Variants in SP140 observed in about 807,000 individuals in gnomAD.
SP140 encodes the protein SP140 nuclear body protein.
SP140 carries 81 observed loss-of-function variants against 125.0 expected under a neutral mutation model. The observed-to-expected ratio is 0.65, with a 90% CI of 0.54 to 0.78. The LOEUF (loss-of-function observed/expected upper bound fraction) is 0.78. Among genes scored for constraint, SP140 ranks in the 30% least tolerant of loss-of-function variants. SP140 has a pLI of 0.00. For missense variants in SP140, 858 were observed against 1,037.0 expected, an observed-to-expected ratio of 0.83 and a Z score of 2.37; for synonymous variants, 312 against 354.0, an observed-to-expected ratio of 0.88 and a Z score of 1.33.
At chr2:230,315,687 AC>A (rs2059479697), downstream of SP140, among the ~76,000 whole-genome samples, 1 of 152,160 alleles carries the variant, frequency 6.6e-6, no homozygotes, top group Non-Finnish European at 1.5e-5. Flanking sequence ...CATGGTGAAA[AC>A]AAGTAAGTTA....
In SP140 at chr2:230,287,944, A is replaced by G; in HGVS notation, c.1698A>G (p.Ala566=). 6.2e-7 allele frequency: 1 copy of G among 1,612,382 alleles called. No individual in the cohort carries two copies. The highest frequency in any genetic ancestry group is 8.5e-7 in the Non-Finnish European group (1 of 1,179,596). ...GCTTCACTCAGAGTGACAGAGCTGC[A>G]CAGAAAAGAGTCCGATCAAGAGGTA... is the stretch of plus-strand genomic sequence containing the variant. ...GTRFTQSDRA[A]QKRVRSRASR... Residue 566 remains alanine, a synonymous_variant, in exon 18 of 27, where the codon GCA becomes GCG. Transcript: ENST00000392045.
Position 230,269,902 on chromosome 2 carries a change from CCAGGAA to C in SP140, c.1394_1399del (p.Pro465_Ser467delinsArg). Reference sequence around the variant, plus strand: ...TGTCATGTGTTTCTCAGAAGAGGTGCCAGGAAGCCCAGAAGCAAGGACGGAAAGTGA... The same window carrying C: ...TGTCATGTGTTTCTCAGAAGAGGTGCGCCCAGAAGCAAGGACGGAAAGTGA... On this transcript the variant is annotated inframe_deletion, in exon 14 of 27. Transcript: ENST00000392045. The C allele has an allele frequency of 8.7e-6, 14 of 1,613,940 alleles. No homozygotes were observed. The highest frequency in any genetic ancestry group is 1.2e-5 in the Non-Finnish European group (14 of 1,179,926).
At chr2:230,229,898 T>C (rs993134991) in intron 1 of SP140, among the ~76,000 whole-genome samples, 2 of 152,128 alleles carry the variant, frequency 1.3e-5, no homozygotes, top group African/African-American at 4.8e-5. Context: ...AGAAATCTGA[T>C]GTAATTTTAT....
intron 10 of SP140, 101 bp downstream of exon 10, chr2:230,251,162 A>G: frequency 1.1e-6 from 1 of 938,448 alleles, no homozygotes; most frequent in Non-Finnish European, 1.7e-6. Context: ...TATACTTCAC[A>G]GTGAAAGAAT....
chr2:230,257,228 A>T (rs1167600442), intron 12 of SP140, among the ~76,000 whole-genome samples: 1 of 152,082 alleles, frequency 6.6e-6, no homozygotes, highest in Non-Finnish European at 1.5e-5. Context: ...TTAGGGAGAG[A>T]TAAGGAAACA....
At chr2:230,191,676 G>T in the SP140 span, among the ~76,000 whole-genome samples, 2 of 152,074 alleles carry the variant, frequency 1.3e-5, no homozygotes, top group Non-Finnish European at 2.9e-5. Flanking sequence ...AGGACCAGAT[G>T]GATTCACAGC....
At chr2:230,281,210 A>G (rs1351337121) in intron 15 of SP140, among the ~76,000 whole-genome samples, 4 of 152,178 alleles carry the variant, frequency 2.6e-5, no homozygotes, top group African/African-American at 9.7e-5. Context: ...CTAAACATCA[A>G]TATACTTTCA....
chr2:230,242,892 TCTC>T (rs2048913945), intron 4 of SP140, among the ~76,000 whole-genome samples: 1 of 152,170 alleles, frequency 6.6e-6, no homozygotes. Flanking sequence ...CCTTTGCTCA[TCTC>T]CTCCCTCTAA....
At chr2:230,281,273 A>C (rs1303058129) in intron 15 of SP140, among the ~76,000 whole-genome samples, 1 of 152,188 alleles carries the variant, frequency 6.6e-6, no homozygotes, top group Non-Finnish European at 1.5e-5. Flanking sequence ...TTTTCTATTC[A>C]TCTATGCATT....
upstream of SP140, chr2:230,225,451 G>A (rs1368865158): frequency 3.1e-6 from 1 of 326,214 alleles, no homozygotes; most frequent in Admixed American, 4.6e-5. Context: ...TGAAATGTCT[G>A]GTCTTCACTT....
downstream of SP140, among the ~76,000 whole-genome samples, chr2:230,313,664 G>T (rs1225903853): frequency 6.6e-6 from 1 of 152,186 alleles, no homozygotes; most frequent in African/African-American, 2.4e-5. Flanking sequence ...TGTGCTTCTG[G>T]GGAATGCAAC....
the SP140 span, among the ~76,000 whole-genome samples, chr2:230,191,125 G>C: frequency 6.6e-6 from 1 of 151,974 alleles, no homozygotes; most frequent in Non-Finnish European, 1.5e-5. Flanking sequence ...AGAATCTCTG[G>C]GACACAGCTA....
At chr2:230,251,614 G>A (rs2050378362) in intron 10 of SP140, among the ~76,000 whole-genome samples, 1 of 152,060 alleles carries the variant, frequency 6.6e-6, no homozygotes, top group Admixed American at 6.6e-5. Context: ...TCCCTCTGCT[G>A]GTAGATACTT....
At chr2:230,225,601 T>C, upstream of SP140, 2 of 574,324 alleles carry the variant, frequency 3.5e-6, no homozygotes, top group Admixed American at 6.0e-5. Context: ...CAGGAACAAG[T>C]GACCCTGTCT....
chr2:230,221,789 T>A, upstream of SP140: 1 of 1,409,820 alleles, frequency 7.1e-7, no homozygotes, highest in Non-Finnish European at 9.7e-7. Context: ...TTAGATCTAT[T>A]CAGAGATACA....
chr2:230,287,779 T>G (rs958534929), intron 17 of SP140, 113 bp from the exon 18 acceptor site: 3 of 827,532 alleles, frequency 3.6e-6, no homozygotes, highest in Non-Finnish European at 5.4e-6. Context: ...TTTTTATTTA[T>G]ACATTAAACA....
intron 20 of SP140, among the ~76,000 whole-genome samples, chr2:230,293,497 A>G (rs1037878990): frequency 2.6e-5 from 4 of 151,940 alleles, no homozygotes; most frequent in Non-Finnish European, 5.9e-5. Flanking sequence ...CCACCATGCC[A>G]GGCTAATTTT....
Position 230,233,406 on chromosome 2 carries a change from A to G in SP140, c.60-3677A>G, listed in dbSNP as rs867597740. 2.5e-4 allele frequency among the ~76,000 whole-genome samples: 38 copies of G among 152,298 alleles called. No individual in the cohort carries two copies. In the Middle Eastern group the frequency reaches 0.014, roughly 55 times the overall value. ...CGTCTCAAAACAAAACAAAAAAAAC[A>G]TTAAAATAGAATCTAAAGTTTAAGA... On this transcript the variant is annotated intron_variant, in intron 1 of 26. Transcript: ENST00000392045.
At chr2:230,291,922 G>A (rs888319459) in intron 19 of SP140, among the ~76,000 whole-genome samples, 7 of 152,166 alleles carry the variant, frequency 4.6e-5, no homozygotes, top group East Asian at 3.9e-4. Context: ...CTTTGTTATC[G>A]TCTGTCTGTC....
Sources: allele counts gnomAD v4.1 joint callset (sites outside exome capture counted in the v4.1 genomes callset), GRCh38; gene constraint gnomAD v4.1.1; transcripts MANE v1.5; gene names NCBI Gene and HGNC (gene_info 2026-07-23, HGNC 2026-07-21).